The following NAV3 variants were observed in gnomAD, a reference collection of about 807,000 sequenced individuals.
NAV3 encodes neuron navigator 3, also known as pore membrane and/or filament interacting like protein 1.
NAV3 carries 87 observed loss-of-function variants against 244.7 expected under a neutral mutation model. That is an observed-to-expected ratio of 0.36 (90% CI 0.30 to 0.42). The LOEUF (loss-of-function observed/expected upper bound fraction) is 0.42. Ranked by LOEUF, NAV3 falls within the 20% of genes least tolerant of loss-of-function variation. The pLI is 1.00. For missense variants in NAV3, 2,663 were observed against 2,893.3 expected (o/e 0.92, Z 1.83); for synonymous variants, 1,126 against 1,042.2 (o/e 1.08, Z -1.55).
intron 12 of NAV3, among the ~76,000 whole-genome samples, chr12:78,069,006 G>A (rs1392118407): frequency 6.6e-6 from 1 of 151,098 alleles, no homozygotes. Flanking sequence ...TAACTAATGG[G>A]TTCAGATTTT....
intron 9 of NAV3, among the ~76,000 whole-genome samples, chr12:78,048,690 G>A (rs531000375): frequency 2.0e-5 from 3 of 152,176 alleles, no homozygotes; most frequent in Admixed American, 6.5e-5. Flanking sequence ...CAGGAGGCAC[G>A]GGGGTCAGGG....
intron 9 of NAV3, among the ~76,000 whole-genome samples, chr12:78,033,489 C>T (rs908435806): frequency 6.6e-6 from 1 of 152,022 alleles, no homozygotes; most frequent in African/African-American, 2.4e-5. Flanking sequence ...CCTTGTATAA[C>T]ATACATCTAT....
At chr12:77,991,111 C>T (rs1005224601) in intron 5 of NAV3, among the ~76,000 whole-genome samples, 4 of 152,154 alleles carry the variant, frequency 2.6e-5, no homozygotes, top group Non-Finnish European at 5.9e-5. Context: ...CTGCAACCTC[C>T]GCCTCCTGGG....
chr12:77,577,362 TTTCTCCACCATATCATAGAAATCTAAAAA>T (rs1238071594), intron 2 of NAV3, among the ~76,000 whole-genome samples: 3 of 152,178 alleles, frequency 2.0e-5, no homozygotes, highest in Admixed American at 2.0e-4. Context: ...CCTTTCATTT[TTTCTCCACCATATCATAGAAATCTAAAAA>T]TTCATATGGC....
intron 2 of NAV3, among the ~76,000 whole-genome samples, chr12:77,778,033 C>T (rs1419574927): frequency 1.3e-5 from 2 of 151,814 alleles, no homozygotes; most frequent in South Asian, 2.1e-4. Flanking sequence ...TTCAAACTCC[C>T]GACCTTAGGT....
rs540625326 is a variant in NAV3 at position 77,639,607 on chromosome 12, CATTT to C, written c.72+67345_72+67348del. Among the ~76,000 whole-genome samples the C allele has an allele frequency of 1.5e-4, 23 of 152,206 alleles. No homozygotes were observed. In the South Asian group the frequency reaches 3.5e-3, roughly 23 times the overall value. ...TGAAGGAGAATAATTAAGGTACACA[CATTT>C]ATTATTTGTCTTTTAAGTATGAGGG... On this transcript the variant is annotated intron_variant, in intron 2 of 8. Coordinates refer to the NAV3 transcript ENST00000550042.
chr12:77,944,788 A>T (rs1007217329), intron 3 of NAV3, among the ~76,000 whole-genome samples: 1 of 150,494 alleles, frequency 6.6e-6, no homozygotes, highest in African/African-American at 2.4e-5. Context: ...GTGTTGAGAG[A>T]GTGAGACTAT....
chr12:78,047,431 G>A (rs1225887132), intron 9 of NAV3, among the ~76,000 whole-genome samples: 2 of 152,170 alleles, frequency 1.3e-5, no homozygotes, highest in Non-Finnish European at 2.9e-5. Flanking sequence ...AGCTTGCAGT[G>A]AGCCAAGATT....
intron 2 of NAV3, among the ~76,000 whole-genome samples, chr12:77,718,582 T>C (rs1876468867): frequency 6.6e-6 from 1 of 152,206 alleles, no homozygotes; most frequent in Non-Finnish European, 1.5e-5. Flanking sequence ...CCATAAACAT[T>C]ATTTCTATTT....
chr12:78,119,279 C>G lies in NAV3; in HGVS notation c.3083C>G (p.Pro1028Arg), dbSNP rs776977919. 1.2e-5 allele frequency: 20 copies of G among 1,613,886 alleles called. No homozygotes were observed. Among genetic ancestry groups the G allele is most frequent in the Non-Finnish European group, 1.6e-5 (19 of 1,180,020 alleles). The stretch of plus-strand genomic sequence containing the variant: ...AAAGCTTCTGAGAAAGGAAAAGCTC[C>G]CCTAAAAGGATCATCTCTACAAAGA... ...DAKASEKGKA[P>R]LKGSSLQRSP... Residue 1028 changes from proline to arginine, a missense_variant, in exon 15 of 40, where the codon CCC (proline) becomes CGC (arginine). Coordinates refer to ENST00000397909, the MANE Select transcript of NAV3 (RefSeq NM_001024383.2).
chr12:77,750,942 T>G (rs193152616), intron 2 of NAV3, among the ~76,000 whole-genome samples: 1 of 152,368 alleles, frequency 6.6e-6, no homozygotes, highest in Admixed American at 6.5e-5. Context: ...AGGGTGCCTC[T>G]GGCTACAAGA....
chr12:78,138,488 A>G (rs1283796058), intron 19 of NAV3, among the ~76,000 whole-genome samples: 1 of 152,270 alleles, frequency 6.6e-6, no homozygotes, highest in East Asian at 1.9e-4. Flanking sequence ...TTAAATCAGT[A>G]GAGAATAGTT....
At chr12:78,051,220 CA>C in intron 11 of NAV3, 73 bp downstream of exon 11, 1 of 1,498,762 alleles carries the variant, frequency 6.7e-7, no homozygotes. Context: ...TCACTATAAA[CA>C]AATGTGTAAG....
chr12:77,987,603 A>G (rs1014886549), intron 5 of NAV3, among the ~76,000 whole-genome samples: 1 of 152,174 alleles, frequency 6.6e-6, no homozygotes, highest in African/African-American at 2.4e-5. Context: ...ATGTCAATCA[A>G]TTGTTTAGTT....
At chr12:77,812,666 G>A (rs987590048) in intron 2 of NAV3, among the ~76,000 whole-genome samples, 118 of 151,884 alleles carry the variant, frequency 7.8e-4, no homozygotes, top group African/African-American at 2.8e-3. Context: ...TGCTCACCTA[G>A]GGCGCTCCCG....
At position 78,145,012 on chromosome 12, in the gene NAV3, A is replaced by C. The variant is rs78461536; in HGVS notation, c.4684-1357A>C. The C allele has an allele frequency of 5.3e-3, 1,490 of 279,540 alleles. 17 individuals are homozygous for C. Among genetic ancestry groups the C allele is most frequent in the African/African-American group, 0.031 (1,353 of 43,080 alleles). The allele number at this position is 279,540 out of a possible 1,614,324, so 17.3% of individuals were successfully genotyped here. A position where few individuals can be genotyped will look rare whatever the true frequency, so the allele number is the denominator to read the frequency against. ...AGTACTAGGGAAAACTAATAGACAT[A>C]GTTACATAGTTAATTGTGCCATATG... is the stretch of plus-strand genomic sequence containing the variant. On this transcript the variant is annotated intron_variant, in intron 20 of 39. Transcript: ENST00000397909.
rs542105753 is a variant in NAV3 at position 77,800,190 on chromosome 12, G to A, written c.73-140129G>A. On this transcript the variant is annotated intron_variant, in intron 2 of 8. Coordinates refer to the NAV3 transcript ENST00000550042. The stretch of plus-strand genomic sequence containing the variant: ...GCAGCCACTTTTAAGATTCCATTTG[G>A]CTTGCTAAGCATAGTAAAGGCCAAA... 5.2e-4 allele frequency among the ~76,000 whole-genome samples: 58 copies of A among 110,752 alleles called. No individual in the cohort carries two copies. The East Asian group carries it at 6.3e-3, about 12-fold the overall frequency. 72.7% of individuals were successfully genotyped at this position (110,752 alleles called of 152,430 possible). A position where few individuals can be genotyped will look rare whatever the true frequency, so the allele number is the denominator to read the frequency against.
intron 1 of NAV3, among the ~76,000 whole-genome samples, chr12:77,885,605 T>C (rs1455035860): frequency 6.6e-6 from 1 of 152,180 alleles, no homozygotes; most frequent in Non-Finnish European, 1.5e-5. Flanking sequence ...TGTTCTGATC[T>C]TAAATTGGAA....
intron 1 of NAV3, among the ~76,000 whole-genome samples, chr12:77,834,192 A>T (rs1342375356): frequency 6.6e-6 from 1 of 152,148 alleles, no homozygotes; most frequent in Non-Finnish European, 1.5e-5. Flanking sequence ...GCACAGGCCC[A>T]GGGGTGGAGC....
Sources: gnomAD v4.1 joint callset for allele counts (sites outside exome capture counted in the v4.1 genomes callset) on GRCh38, gnomAD v4.1.1 for gene constraint, MANE v1.5 for transcripts, NCBI Gene and HGNC (gene_info 2026-07-23, HGNC 2026-07-21) for gene names.